Variants in ST3GAL2 observed in about 807,000 individuals in gnomAD.
The protein encoded by ST3GAL2 is CMP-N-acetylneuraminate-beta-galactosamide-alpha-2,3-sialyltransferase 2.
In ST3GAL2, 16 loss-of-function variants were observed where a neutral mutation model predicts 37.5. The observed-to-expected ratio is 0.43, with a 90% CI of 0.29 to 0.65. The LOEUF (loss-of-function observed/expected upper bound fraction) is 0.65, where lower values mean the gene tolerates loss of function less well. Among genes scored for constraint, ST3GAL2 ranks in the 30% least tolerant of loss-of-function variants. ST3GAL2 has a pLI of 0.17. For synonymous variants in ST3GAL2, 238 were observed against 202.9 expected (o/e 1.17, Z -1.47); for missense variants, 383 against 487.8 (o/e 0.79, Z 2.02).
rs531690944 is a variant in ST3GAL2 at position 70,421,248 on chromosome 16, C to T, written c.-1004+17701G>A. Among the ~76,000 whole-genome samples the T allele has an allele frequency of 2.0e-5, 3 of 152,338 alleles. No homozygotes were observed. In the South Asian group the frequency reaches 6.2e-4, roughly 32 times the overall value. On this transcript the variant is annotated intron_variant, in intron 1 of 6. Transcript: ENST00000342907. Reference sequence around the variant, plus strand: ...CCTACTCAGGCAGGGCCCCTGGTTGCTAGGGAATCAGTTCACCACCTCTGG... The same window carrying T: ...CCTACTCAGGCAGGGCCCCTGGTTGTTAGGGAATCAGTTCACCACCTCTGG...
chr16:70,382,759 CCT>C (rs1567664460), intron 6 of ST3GAL2, 44 bp downstream of exon 6: 1 of 1,612,284 alleles, frequency 6.2e-7, no homozygotes, highest in Non-Finnish European at 8.5e-7. Flanking sequence ...GGCCTGCACT[CCT>C]CTGTTCCATG....
intron 1 of ST3GAL2, among the ~76,000 whole-genome samples, chr16:70,418,786 G>C (rs984503121): frequency 6.6e-6 from 1 of 152,156 alleles, no homozygotes; most frequent in African/African-American, 2.4e-5. Flanking sequence ...GTCCTCCCTA[G>C]AAGAGGGGTG....
At chr16:70,399,634 T>G in intron 1 of ST3GAL2, 101 bp from the exon 2 acceptor site, 7 of 382,280 alleles carry the variant, frequency 1.8e-5, no homozygotes, top group Non-Finnish European at 1.8e-5. Flanking sequence ...GGAGAGGAGA[T>G]GCCCACTTAA....
intron 1 of ST3GAL2, among the ~76,000 whole-genome samples, chr16:70,435,536 T>G (rs2047819055): frequency 6.6e-6 from 1 of 151,920 alleles, no homozygotes; most frequent in African/African-American, 2.4e-5. Flanking sequence ...AGGTGGAGGT[T>G]GCGGTGAGCC....
chr16:70,393,742 C>T (rs560007156), intron 3 of ST3GAL2: 1 of 152,340 alleles, frequency 6.6e-6, no homozygotes, highest in South Asian at 2.1e-4. Flanking sequence ...AGGGTCCACT[C>T]CAACCTGCTC....
chr16:70,398,348 G>A lies in ST3GAL2; in HGVS notation c.183C>T (p.Ser61=), dbSNP rs2047531549. 6.2e-7 allele frequency: 1 copy of A among 1,613,498 alleles called. No individual in the cohort carries two copies. Among genetic ancestry groups the A allele is most frequent in the African/African-American group, 1.3e-5 (1 of 75,082 alleles). ...AGCTCTTGCCCGAGAGCCTCTCCTTGCTGAGGCGCTGCAGGCCGGCATAGC... is the reference window on the plus strand; with the variant it reads ...AGCTCTTGCCCGAGAGCCTCTCCTTACTGAGGCGCTGCAGGCCGGCATAGC... The part of the protein sequence containing the change: ...VPGYAGLQRL[S]KERLSGKSCA... Residue 61 remains serine, a synonymous_variant, in exon 2 of 7, where the codon AGC becomes AGT. Coordinates refer to ENST00000342907, the MANE Select transcript of ST3GAL2 (RefSeq NM_006927.4).
chr16:70,397,943 C>T (rs2047528096), intron 2 of ST3GAL2, among the ~76,000 whole-genome samples: 1 of 152,234 alleles, frequency 6.6e-6, no homozygotes, highest in Admixed American at 6.5e-5. Flanking sequence ...CACCTGCTCC[C>T]TGTGTCCCTG....
intron 1 of ST3GAL2, among the ~76,000 whole-genome samples, chr16:70,427,338 C>CTT (rs561028894): frequency 2.3e-4 from 31 of 132,960 alleles, no homozygotes; most frequent in African/African-American, 5.2e-4. Context: ...ACCCAGTCTT[C>CTT]TTTTTTTTTT....
chr16:70,412,979 T>G (rs1262122788), intron 1 of ST3GAL2, among the ~76,000 whole-genome samples: 1 of 152,182 alleles, frequency 6.6e-6, no homozygotes, highest in Non-Finnish European at 1.5e-5. Context: ...CTGGGCACGG[T>G]GGCACACACC....
At chr16:70,423,359 A>C (rs1446012753) in intron 1 of ST3GAL2, among the ~76,000 whole-genome samples, 1 of 152,010 alleles carries the variant, frequency 6.6e-6, no homozygotes, top group East Asian at 1.9e-4. Flanking sequence ...AAATACAAAA[A>C]ATTAGCTGGG....
At chr16:70,410,478 C>T (rs2047630079) in intron 1 of ST3GAL2, among the ~76,000 whole-genome samples, 1 of 151,602 alleles carries the variant, frequency 6.6e-6, no homozygotes, top group Admixed American at 6.6e-5. Flanking sequence ...TGGTCTTGAT[C>T]TCCTGACCTC....
chr16:70,407,482 T>C (rs1335049963), intron 1 of ST3GAL2, among the ~76,000 whole-genome samples: 2 of 152,132 alleles, frequency 1.3e-5, no homozygotes, highest in South Asian at 2.1e-4. Flanking sequence ...TTTGGCAAAT[T>C]TGGGGAGACC....
intron 1 of ST3GAL2, among the ~76,000 whole-genome samples, chr16:70,406,716 G>A (rs2047594761): frequency 6.6e-6 from 1 of 152,138 alleles, no homozygotes; most frequent in African/African-American, 2.4e-5. Flanking sequence ...GGGAGGTGGA[G>A]GTTGCGGTGA....
intron 4 of ST3GAL2, 56 bp downstream of exon 4, chr16:70,388,311 C>A: frequency 6.2e-7 from 1 of 1,606,800 alleles, no homozygotes; most frequent in Non-Finnish European, 8.5e-7. Flanking sequence ...CCCTAGAAGA[C>A]TCTGCCCAAG....
At chr16:70,408,886 G>GAAAA in intron 1 of ST3GAL2, among the ~76,000 whole-genome samples, 1 of 15,428 alleles carries the variant, frequency 6.5e-5, no homozygotes, top group Non-Finnish European at 1.9e-4. Context: ...ACAGCTCAAA[G>GAAAA]AAACAAAAAA....
rs1451506490 is a variant in ST3GAL2 at position 70,398,633 on chromosome 16, G to A, written c.-103C>T. 9 of 1,121,112 alleles carry A rather than the reference G, an allele frequency of 8.0e-6. No homozygotes were observed. The highest frequency in any genetic ancestry group is 1.0e-5 in the Non-Finnish European group (8 of 797,014). 69.4% of individuals were successfully genotyped at this position (1,121,112 alleles called of 1,614,324 possible). On this transcript the variant is annotated 5_prime_UTR_variant, in exon 2 of 7. Coordinates refer to ENST00000342907, the MANE Select transcript of ST3GAL2 (RefSeq NM_006927.4). ...CCTATTCTGGCACCACATGCAAAGG[G>A]CATAGGGGCACGTGCTGCAGCAGGG...
chr16:70,402,851 A>G (rs1379474508), intron 1 of ST3GAL2, among the ~76,000 whole-genome samples: 3 of 152,118 alleles, frequency 2.0e-5, no homozygotes, highest in Non-Finnish European at 4.4e-5. Flanking sequence ...GGGTTTCACC[A>G]TGTTGGCCAG....
intron 1 of ST3GAL2, among the ~76,000 whole-genome samples, chr16:70,412,782 C>T (rs943620033): frequency 1.3e-5 from 2 of 150,838 alleles, no homozygotes; most frequent in African/African-American, 4.9e-5. Context: ...CATGGTGGCT[C>T]ATACCTGTAA....
At chr16:70,429,226 T>C (rs2047771515) in intron 1 of ST3GAL2, among the ~76,000 whole-genome samples, 1 of 152,176 alleles carries the variant, frequency 6.6e-6, no homozygotes, top group Admixed American at 6.5e-5. Context: ...GATGGCCTCC[T>C]GGGCCCCCAG....
Sources: gnomAD v4.1 joint callset for allele counts (sites outside exome capture counted in the v4.1 genomes callset) on GRCh38, gnomAD v4.1.1 for gene constraint, MANE v1.5 for transcripts, NCBI Gene and HGNC (gene_info 2026-07-23, HGNC 2026-07-21) for gene names.